The following GRIA1 variants were observed in gnomAD, a reference collection of about 807,000 sequenced individuals.
GRIA1 encodes glutamate receptor 1.
GRIA1 carries 31 observed loss-of-function variants against 99.2 expected under a neutral mutation model. The ratio of observed to expected loss-of-function variants is 0.31; its 90% CI spans 0.23 to 0.42. The LOEUF (loss-of-function observed/expected upper bound fraction) is 0.42. GRIA1 is among the 10% of genes least tolerant of loss of function. The pLI is 1.00. For synonymous variants in GRIA1, 438 were observed against 432.4 expected (o/e 1.01, Z -0.16); for missense variants, 782 against 1,157.5 (o/e 0.68, Z 4.71).
intron 2 of GRIA1, among the ~76,000 whole-genome samples, chr5:153,602,106 A>G (rs1291298350): frequency 1.3e-5 from 2 of 152,190 alleles, no homozygotes; most frequent in Non-Finnish European, 2.9e-5. Context: ...CACTATTCAC[A>G]ATAGCAAAGA....
chr5:153,546,194 G>T (rs1410877390), intron 2 of GRIA1, among the ~76,000 whole-genome samples: 1 of 152,174 alleles, frequency 6.6e-6, no homozygotes, highest in Non-Finnish European at 1.5e-5. Context: ...TAAGGTAGAG[G>T]CAGGTTTTCA....
chr5:153,690,047 A>G (rs1203088815), intron 8 of GRIA1, among the ~76,000 whole-genome samples: 2 of 152,162 alleles, frequency 1.3e-5, no homozygotes, highest in African/African-American at 4.8e-5. Context: ...AGCAAATAGA[A>G]GAATTACTGG....
In GRIA1 at chr5:153,509,032, C is replaced by G. The variant is rs548468331; in HGVS notation, c.220+14967C>G. Among the ~76,000 whole-genome samples, 239 of 152,286 alleles carry G rather than the reference C, an allele frequency of 1.6e-3. 2 individuals are homozygous for G. The highest frequency in any genetic ancestry group is 5.4e-3 in the African/African-American group (223 of 41,560). ...AAAGCTTCTGCTCATGTCATGTTCT[C>G]TAATATTCCATTGGTTCAAGCAAGG... On this transcript the variant is annotated intron_variant, in intron 2 of 15. Transcript: ENST00000285900.
chr5:153,511,801 A>G (rs1370520198), intron 2 of GRIA1, among the ~76,000 whole-genome samples: 1 of 152,168 alleles, frequency 6.6e-6, no homozygotes, highest in East Asian at 1.9e-4. Context: ...AAACAGTTTT[A>G]CCCAGAACAA....
chr5:153,594,118 G>T (rs1312782880), intron 2 of GRIA1, among the ~76,000 whole-genome samples: 1 of 151,960 alleles, frequency 6.6e-6, no homozygotes, highest in East Asian at 1.9e-4. Context: ...GGGATTTATT[G>T]TCCCTTCTCC....
At chr5:153,697,783 G>A (rs913044114) in intron 8 of GRIA1, among the ~76,000 whole-genome samples, 1 of 152,210 alleles carries the variant, frequency 6.6e-6, no homozygotes, top group Non-Finnish European at 1.5e-5. Flanking sequence ...TGTGTAAACA[G>A]TTAAGCCCTT....
In GRIA1 at chr5:153,732,987, C is replaced by A. The variant is rs543568657; in HGVS notation, c.1823+26920C>A. On this transcript the variant is annotated intron_variant, in intron 11 of 15. Transcript: ENST00000285900. ...TTTCCAAGACCATTTATTGAAAAGA[C>A]TATCCTTTTCCACTGTGTATTCTTG... Among the ~76,000 whole-genome samples, 14 of 146,430 alleles carry A rather than the reference C, an allele frequency of 9.6e-5. No individual in the cohort carries two copies. In the East Asian group the frequency reaches 2.9e-3, roughly 31 times the overall value.
intron 2 of GRIA1, chr5:153,494,335 C>T: frequency 4.9e-6 from 2 of 411,466 alleles, no homozygotes; most frequent in South Asian, 3.4e-5. Context: ...CTGCATCTTC[C>T]CTACCTTGCA....
chr5:153,600,900 G>T (rs1322489533), intron 2 of GRIA1, among the ~76,000 whole-genome samples: 1 of 152,166 alleles, frequency 6.6e-6, no homozygotes, highest in African/African-American at 2.4e-5. Context: ...ATCACATCTT[G>T]GGATCCCACC....
At chr5:153,636,364 T>C (rs1753359962) in intron 2 of GRIA1, among the ~76,000 whole-genome samples, 1 of 152,200 alleles carries the variant, frequency 6.6e-6, no homozygotes, top group Admixed American at 6.5e-5. Context: ...AGCAGAATAG[T>C]GTAGGGTAGG....
chr5:153,521,472 A>G (rs1186182393), intron 2 of GRIA1, among the ~76,000 whole-genome samples: 2 of 152,180 alleles, frequency 1.3e-5, no homozygotes, highest in African/African-American at 2.4e-5. Context: ...TGACAGAACT[A>G]CAGCTTCCAC....
At chr5:153,658,220 A>C (rs77721085) in intron 5 of GRIA1, among the ~76,000 whole-genome samples, 15,358 of 152,136 alleles carry the variant, frequency 0.1, 804 homozygotes, top group Middle Eastern at 0.16. Flanking sequence ...TACATAGAAC[A>C]AGAATACACA....
At chr5:153,531,546 T>C (rs140039468) in intron 2 of GRIA1, among the ~76,000 whole-genome samples, 3 of 152,320 alleles carry the variant, frequency 2.0e-5, no homozygotes, top group African/African-American at 7.2e-5. Flanking sequence ...TTAAGGAAGA[T>C]ATTGCAGACC....
chr5:153,790,838 A>C (rs1765250451), intron 13 of GRIA1, among the ~76,000 whole-genome samples: 1 of 152,198 alleles, frequency 6.6e-6, no homozygotes, highest in South Asian at 2.1e-4. Flanking sequence ...TCTAGAAACT[A>C]CTGCTAGGCT....
At chr5:153,633,860 G>A (rs1292068645) in intron 2 of GRIA1, among the ~76,000 whole-genome samples, 1 of 152,146 alleles carries the variant, frequency 6.6e-6, no homozygotes, top group Non-Finnish European at 1.5e-5. Flanking sequence ...CCTCCCATGT[G>A]CCAGGCACTG....
intron 2 of GRIA1, among the ~76,000 whole-genome samples, chr5:153,631,171 A>G (rs1246945386): frequency 6.6e-6 from 1 of 152,214 alleles, no homozygotes; most frequent in East Asian, 1.9e-4. Context: ...AATTTGTCCT[A>G]AAAGGGGAAC....
At chr5:153,625,441 G>A (rs766539301) in intron 2 of GRIA1, among the ~76,000 whole-genome samples, 54 of 152,174 alleles carry the variant, frequency 3.5e-4, no homozygotes, top group African/African-American at 9.7e-4. Context: ...AGTGCCACCG[G>A]CATTTGCCGA....
chr5:153,542,131 T>C (rs1196135135), intron 2 of GRIA1, among the ~76,000 whole-genome samples: 1 of 152,014 alleles, frequency 6.6e-6, no homozygotes, highest in African/African-American at 2.4e-5. Context: ...CCTGAGCCTA[T>C]TATACCCCAG....
chr5:153,543,390 C>T (rs1337710125), intron 2 of GRIA1, among the ~76,000 whole-genome samples: 1 of 152,220 alleles, frequency 6.6e-6, no homozygotes, highest in Non-Finnish European at 1.5e-5. Context: ...TATCTAATTT[C>T]ATCCTTTTGA....
Sources: gnomAD v4.1 joint callset for allele counts (sites outside exome capture counted in the v4.1 genomes callset) on GRCh38, gnomAD v4.1.1 for gene constraint, MANE v1.5 for transcripts, NCBI Gene and HGNC (gene_info 2026-07-23, HGNC 2026-07-21) for gene names.